The following SSBP2 variants were observed in gnomAD, a reference collection of about 807,000 sequenced individuals.
SSBP2 encodes the protein single-stranded DNA-binding protein 2.
SSBP2 carries 17 observed loss-of-function variants against 61.8 expected under a neutral mutation model. That is an observed-to-expected ratio of 0.28 (90% confidence interval 0.19 to 0.41). The LOEUF (loss-of-function observed/expected upper bound fraction) is 0.41, where lower values mean the gene tolerates loss of function less well. Among genes scored for constraint, SSBP2 ranks in the 10% least tolerant of loss-of-function variants. The pLI is 1.00. For synonymous variants in SSBP2, 139 were observed against 141.3 expected, an observed-to-expected ratio of 0.98 and a Z score of 0.12; for missense variants, 310 against 458.7, an observed-to-expected ratio of 0.68 and a Z score of 2.96.
chr5:81,454,595 C>T (rs1280489964), intron 10 of SSBP2, among the ~76,000 whole-genome samples: 2 of 151,850 alleles, frequency 1.3e-5, no homozygotes, highest in Non-Finnish European at 2.9e-5. Flanking sequence ...ACAAGAGAAT[C>T]GCTTGAACCT....
At chr5:81,727,883 T>A (rs1246364667) in intron 1 of SSBP2, among the ~76,000 whole-genome samples, 2 of 152,110 alleles carry the variant, frequency 1.3e-5, no homozygotes, top group Non-Finnish European at 2.9e-5. Flanking sequence ...TGAAACAAGG[T>A]ACAGGGTGGA....
intron 2 of SSBP2, among the ~76,000 whole-genome samples, chr5:81,639,654 T>C (rs1748596894): frequency 6.6e-6 from 1 of 151,816 alleles, no homozygotes; most frequent in South Asian, 2.1e-4. Flanking sequence ...CATAAGTATA[T>C]GCCTTAGTTT....
chr5:81,529,228 T>C (rs939358294), intron 4 of SSBP2, among the ~76,000 whole-genome samples: 2 of 152,140 alleles, frequency 1.3e-5, no homozygotes, highest in African/African-American at 4.8e-5. Context: ...CATCGTATGA[T>C]GGCCTTTCTG....
chr5:81,576,340 T>C (rs1774211218), intron 4 of SSBP2, among the ~76,000 whole-genome samples: 1 of 152,158 alleles, frequency 6.6e-6, no homozygotes. Context: ...TAGCAACATG[T>C]AGAGTATATC....
intron 4 of SSBP2, among the ~76,000 whole-genome samples, chr5:81,576,952 A>C (rs6882433): frequency 6.6e-6 from 1 of 151,972 alleles, no homozygotes; most frequent in South Asian, 2.1e-4. Flanking sequence ...GAGAATCTAC[A>C]TCATTACAAA....
intron 1 of SSBP2, among the ~76,000 whole-genome samples, chr5:81,736,230 C>T (rs977817134): frequency 6.6e-6 from 1 of 152,026 alleles, no homozygotes; most frequent in Admixed American, 6.6e-5. Context: ...GAAACTATCA[C>T]AGCCTCACTG....
At chr5:81,518,151 T>G (rs1307935596) in intron 4 of SSBP2, among the ~76,000 whole-genome samples, 2 of 152,118 alleles carry the variant, frequency 1.3e-5, no homozygotes, top group African/African-American at 2.4e-5. Context: ...TGAAAAGTAT[T>G]TTAAGTATAT....
upstream of SSBP2, chr5:81,751,119 A>G (rs1581481419): frequency 6.8e-7 from 1 of 1,460,502 alleles, no homozygotes; most frequent in Non-Finnish European, 9.3e-7. Context: ...CCCCGTCCCC[A>G]TGGCGACCCA....
intron 5 of SSBP2, among the ~76,000 whole-genome samples, chr5:81,492,268 C>T (rs1002636922): frequency 3.3e-5 from 5 of 151,866 alleles, no homozygotes; most frequent in South Asian, 4.2e-4. Flanking sequence ...TTTGGGAGGC[C>T]GAGGTGGGCA....
At chr5:81,479,877 T>A (rs1765859687) in intron 6 of SSBP2, among the ~76,000 whole-genome samples, 1 of 152,240 alleles carries the variant, frequency 6.6e-6, no homozygotes, top group Non-Finnish European at 1.5e-5. Context: ...TATTGATGCA[T>A]GATTTAAGTA....
chr5:81,665,967 C>A (rs1273687035), intron 1 of SSBP2, among the ~76,000 whole-genome samples: 1 of 152,212 alleles, frequency 6.6e-6, no homozygotes, highest in Non-Finnish European at 1.5e-5. Context: ...CATTTGGCAG[C>A]TTTTGAAAGG....
chr5:81,427,269 T>C (rs1319753207), intron 16 of SSBP2, among the ~76,000 whole-genome samples: 1 of 152,222 alleles, frequency 6.6e-6, no homozygotes, highest in Non-Finnish European at 1.5e-5. Flanking sequence ...TTAAGCATTA[T>C]GACTTAAATT....
At chr5:81,425,968 T>C in intron 16 of SSBP2, among the ~76,000 whole-genome samples, 1 of 152,216 alleles carries the variant, frequency 6.6e-6, no homozygotes, top group East Asian at 1.9e-4. Flanking sequence ...ACCTGACAGA[T>C]CCTTAAAAGG....
At chr5:81,679,367 A>G (rs1752220251) in intron 1 of SSBP2, among the ~76,000 whole-genome samples, 1 of 152,186 alleles carries the variant, frequency 6.6e-6, no homozygotes, top group South Asian at 2.1e-4. Flanking sequence ...AATATCAACA[A>G]TGTATTTGAT....
At chr5:81,656,042 T>A (rs1183355804) in intron 1 of SSBP2, among the ~76,000 whole-genome samples, 1 of 152,016 alleles carries the variant, frequency 6.6e-6, no homozygotes, top group Non-Finnish European at 1.5e-5. Flanking sequence ...AGAAGGGAAT[T>A]AAAGATATAT....
chr5:81,573,630 G>T (rs1321818290), intron 4 of SSBP2, among the ~76,000 whole-genome samples: 5 of 152,212 alleles, frequency 3.3e-5, no homozygotes, highest in African/African-American at 1.2e-4. Flanking sequence ...TAGACTTGCT[G>T]CCTGCCAGGG....
At chr5:81,449,448 C>A (rs958879073) in intron 10 of SSBP2, among the ~76,000 whole-genome samples, 2 of 152,096 alleles carry the variant, frequency 1.3e-5, no homozygotes, top group African/African-American at 4.8e-5. Flanking sequence ...CAAATATTTT[C>A]TTTTTTCACA....
intron 4 of SSBP2, among the ~76,000 whole-genome samples, chr5:81,520,738 C>A (rs1432708021): frequency 6.6e-6 from 1 of 151,786 alleles, no homozygotes; most frequent in African/African-American, 2.4e-5. Flanking sequence ...GGTTTAATAT[C>A]TTCATATTGT....
chr5:81,520,012 TCTCA>T (rs2154092348), intron 4 of SSBP2, among the ~76,000 whole-genome samples: 1 of 150,890 alleles, frequency 6.6e-6, no homozygotes, highest in South Asian at 2.1e-4. Context: ...TGAGATGGAG[TCTCA>T]CTCTGTTGCC....
Sources: allele counts gnomAD v4.1 joint callset (sites outside exome capture counted in the v4.1 genomes callset), GRCh38; gene constraint gnomAD v4.1.1; transcripts MANE v1.5; gene names NCBI Gene and HGNC (gene_info 2026-07-23, HGNC 2026-07-21).